Variants in GABRD observed in about 807,000 individuals in gnomAD.
GABRD encodes the protein gamma-aminobutyric acid type A receptor subunit delta.
Under a neutral mutation model 47.3 loss-of-function variants are expected in GABRD, and 25 were observed. That is an observed-to-expected ratio of 0.53 (90% CI 0.39 to 0.74). GABRD has a LOEUF of 0.74. Ranked by LOEUF, GABRD falls within the 30% of genes least tolerant of loss-of-function variation. GABRD has a pLI of 0.00. For missense variants in GABRD, 497 were observed against 643.4 expected, an observed-to-expected ratio of 0.77 and a Z score of 2.46; for synonymous variants, 314 against 278.8, an observed-to-expected ratio of 1.13 and a Z score of -1.26.
intron 3 of GABRD, 55 bp from the exon 4 acceptor site, chr1:2,025,463 C>G: frequency 2.5e-6 from 4 of 1,610,062 alleles, no homozygotes; most frequent in Non-Finnish European, 3.4e-6. Context: ...CCCTGGGCTG[C>G]ATGCCCCTGG....
chr1:2,019,440 G>A lies in GABRD; in HGVS notation c.17G>A (p.Arg6Gln), dbSNP rs1658714355. The change falls in exon 1 of 9, where the codon CGG (arginine) becomes CAG (glutamine). Residue 6 changes from arginine to glutamine, a missense_variant. Arg to Gln is a conservative substitution (Grantham distance 43). Around this residue, in one of 3 missense-constraint regions of GABRD, gnomAD observed 91 missense variants for 85.5 expected, o/e 1.06. Transcript: ENST00000378585. ...GCCGCGGCCATGGACGCGCCCGCCCGGCTGCTGGCCCCGCTCCTGCTCCTC... is the reference window on the plus strand; with the variant it reads ...GCCGCGGCCATGGACGCGCCCGCCCAGCTGCTGGCCCCGCTCCTGCTCCTC... The part of the protein sequence containing the change: MDAPA[R>Q]LLAPLLLLCA... The A allele has an allele frequency of 1.8e-6, 2 of 1,107,146 alleles. No individual in the cohort carries two copies. The highest frequency in any genetic ancestry group is 5.7e-5 in the East Asian group (1 of 17,630). The allele number at this position is 1,107,146 out of a possible 1,614,324, so 68.6% of individuals were successfully genotyped here.
In GABRD at chr1:2,019,425, TG is replaced by T; in HGVS notation, c.4del (p.Asp2?). 9.3e-7 allele frequency: 1 copy of T among 1,070,884 alleles called. No individual in the cohort carries two copies. Among genetic ancestry groups the T allele is most frequent in the Non-Finnish European group, 1.1e-6 (1 of 888,114 alleles). The allele number at this position is 1,070,884 out of a possible 1,614,324, so 66.3% of individuals were successfully genotyped here. Reference sequence around the variant, plus strand: ...CCCCGTCCCGAGCCCGCCGCGGCCATGGACGCGCCCGCCCGGCTGCTGGCCC... The same window carrying T: ...CCCCGTCCCGAGCCCGCCGCGGCCATGACGCGCCCGCCCGGCTGCTGGCCC... [M>X]DAPARLLAPL... is the part of the protein sequence containing the mutation. On this transcript the variant is annotated frameshift_variant and start_lost, in exon 1 of 9. Transcript: ENST00000378585. LOFTEE classifies it high-confidence loss of function.
At chr1:2,025,195 C>T (rs566831821) in intron 2 of GABRD, 139 bp from the exon 3 acceptor site, 3 of 1,288,456 alleles carry the variant, frequency 2.3e-6, no homozygotes, top group East Asian at 2.3e-5. Flanking sequence ...GAGCCAGGCC[C>T]CCACAGAGAC....
At chr1:2,025,845 G>T in intron 4 of GABRD, 107 bp downstream of exon 4, 1 of 996,894 alleles carries the variant, frequency 1.0e-6, no homozygotes, top group Non-Finnish European at 1.5e-6. Flanking sequence ...CTGCTGCCGG[G>T]AGCTGGCGGG....
At chr1:2,025,235 G>A (rs562416120) in intron 2 of GABRD, 99 bp from the exon 3 acceptor site, 4 of 1,455,076 alleles carry the variant, frequency 2.7e-6, no homozygotes, top group Non-Finnish European at 3.8e-6. Flanking sequence ...CTCAGGCCAT[G>A]ATGGCCGACT....
Position 2,028,424 on chromosome 1 carries a change from G to T in GABRD, c.691+132G>T, listed in dbSNP as rs916499170. ...TGGTTTTCATGCTTTTTAGTCAAGC[G>T]CCCGCAGGCCCCCAGGGCCTCTGGG... is the stretch of plus-strand genomic sequence containing the variant. On this transcript the variant is annotated intron_variant, in intron 6 of 8. Coordinates refer to ENST00000378585, the MANE Select transcript of GABRD (RefSeq NM_000815.5). This position sits in a 1 kb window ranked among gnomAD's most constrained non-coding sequence, Gnocchi z 6.4. 3.2e-6 allele frequency: 3 copies of T among 923,680 alleles called. No homozygotes were observed. Among genetic ancestry groups the T allele is most frequent in the South Asian group, 5.4e-5 (2 of 37,068 alleles). The allele number at this position is 923,680 out of a possible 1,614,324, so 57.2% of individuals were successfully genotyped here. A position where few individuals can be genotyped will look rare whatever the true frequency, so the allele number is the denominator to read the frequency against.
At position 2,019,439 on chromosome 1, in the gene GABRD, C is replaced by A; in HGVS notation, c.16C>A (p.Arg6=). The change falls in exon 1 of 9, where the codon CGG becomes AGG. Residue 6 remains arginine, a synonymous_variant. Transcript: ENST00000378585. ...CGCCGCGGCCATGGACGCGCCCGCC[C>A]GGCTGCTGGCCCCGCTCCTGCTCCT... MDAPA[R]LLAPLLLLCA... is the part of the protein sequence containing the mutation. The A allele has an allele frequency of 9.2e-7, 1 of 1,087,490 alleles. No homozygotes were observed. Among genetic ancestry groups the A allele is most frequent in the Non-Finnish European group, 1.1e-6 (1 of 898,044 alleles). The allele number at this position is 1,087,490 out of a possible 1,614,324, so 67.4% of individuals were successfully genotyped here.
In GABRD at chr1:2,028,854, A is replaced by G. The variant is rs548398802; in HGVS notation, c.692-257A>G. On this transcript the variant is annotated intron_variant, in intron 6 of 8. Coordinates refer to ENST00000378585, the MANE Select transcript of GABRD (RefSeq NM_000815.5). This position sits in a 1 kb window ranked among gnomAD's most constrained non-coding sequence, Gnocchi z 6.4. ...GTCCCTCAGGGCCAGTCCAGCAAAC[A>G]TGAGGCCAGCAGTAACCTCAGCCTC... The G allele has an allele frequency of 1.2e-3, 665 of 556,260 alleles. 1 individual carries two copies. Among genetic ancestry groups the G allele is most frequent in the Non-Finnish European group, 1.7e-3 (524 of 315,722 alleles). The allele number at this position is 556,260 out of a possible 1,614,324, so 34.5% of individuals were successfully genotyped here.
chr1:2,023,482 G>T, intron 1 of GABRD: 1 of 152,692 alleles, frequency 6.5e-6, no homozygotes, highest in Non-Finnish European at 1.5e-5. Flanking sequence ...AGTCAGTTGC[G>T]TCCTGGGGAG....
chr1:2,027,127 C>T, intron 4 of GABRD: 1 of 300,840 alleles, frequency 3.3e-6, no homozygotes, highest in Non-Finnish European at 6.4e-6. Flanking sequence ...TGCACCACTG[C>T]ACTCCAGCTT....
rs1183611566 is a variant in GABRD at position 2,029,282 on chromosome 1, G to A, written c.847+16G>A. On this transcript the variant is annotated intron_variant, in intron 7 of 8. Transcript: ENST00000378585. ...GTGTCTCTAGGTACGGGGCCTCGCC[G>A]CTGCTCCGAGGGAGCTGGAAGGGCG... 5.2e-6 allele frequency: 8 copies of A among 1,546,902 alleles called. No individual in the cohort carries two copies. In the African/African-American group the frequency reaches 6.8e-5, roughly 13 times the overall value.
At chr1:2,021,144 C>A (rs1291345294) in intron 1 of GABRD, among the ~76,000 whole-genome samples, 1 of 152,230 alleles carries the variant, frequency 6.6e-6, no homozygotes, top group Non-Finnish European at 1.5e-5. Flanking sequence ...GGGGAGGACA[C>A]CTTGCCTGGT....
Position 2,030,125 on chromosome 1 carries a change from CGAA to C in GABRD, c.1207_1209del (p.Lys403del), listed in dbSNP as rs1557449196. ...TCGGTGGGGGTGGAGACAGGGGAGACGAAGAAGGAGGGGGCAGCCCGCTCAGGA... is the reference window on the plus strand; with the variant it reads ...TCGGTGGGGGTGGAGACAGGGGAGACGAAGGAGGGGGCAGCCCGCTCAGGA... On this transcript the variant is annotated inframe_deletion, in exon 9 of 9. Coordinates refer to ENST00000378585, the MANE Select transcript of GABRD (RefSeq NM_000815.5). The C allele has an allele frequency of 3.2e-6, 5 of 1,580,476 alleles. No individual in the cohort carries two copies. The highest frequency in any genetic ancestry group is 1.8e-5 in the Admixed American group (1 of 55,666).
chr1:2,022,090 C>T (rs1346261083), intron 1 of GABRD, among the ~76,000 whole-genome samples: 1 of 152,174 alleles, frequency 6.6e-6, no homozygotes, highest in Non-Finnish European at 1.5e-5. Flanking sequence ...CCTCTCTGTC[C>T]ATCCACCCAC....
rs1658714306 is a variant in GABRD, at chr1:2,019,439, C to T, written c.16C>T (p.Arg6Trp). 5.5e-6 allele frequency: 6 copies of T among 1,087,490 alleles called. No homozygotes were observed. Among genetic ancestry groups the T allele is most frequent in the East Asian group, 6.4e-5 (1 of 15,618 alleles). 67.4% of individuals were successfully genotyped at this position (1,087,490 alleles called of 1,614,324 possible). A position where few individuals can be genotyped will look rare whatever the true frequency, so the allele number is the denominator to read the frequency against. ...CGCCGCGGCCATGGACGCGCCCGCC[C>T]GGCTGCTGGCCCCGCTCCTGCTCCT... MDAPA[R>W]LLAPLLLLCA... is the part of the protein sequence containing the mutation. Residue 6 changes from arginine to tryptophan, a missense_variant, in exon 1 of 9, where the codon CGG becomes TGG. Physicochemically the swap from Arg to Trp is moderately radical, Grantham distance 101. This residue lies in a region of GABRD where 91 missense variants were observed against 85.5 expected (regional missense o/e 1.06). Transcript: ENST00000378585.
chr1:2,027,621 C>G lies in GABRD; in HGVS notation c.515C>G (p.Pro172Arg). The change falls in exon 5 of 9, where the codon CCC becomes CGC. Residue 172 changes from proline (P) to arginine (R), a missense_variant. Coordinates refer to ENST00000378585, the MANE Select transcript of GABRD (RefSeq NM_000815.5). ...VACDMDLAKY[P>R]MDEQECMLDL... ...TGCGACATGGACCTGGCCAAATACC[C>G]CATGGACGAGCAGGAGTGCATGCTG... is the stretch of plus-strand genomic sequence containing the variant. 1.2e-6 allele frequency: 2 copies of G among 1,613,902 alleles called. No individual in the cohort carries two copies. Among genetic ancestry groups the G allele is most frequent in the Non-Finnish European group, 1.7e-6 (2 of 1,179,978 alleles).
Position 2,025,867 on chromosome 1 carries a change from G to T in GABRD, c.470+129G>T, listed in dbSNP as rs531305926. The T allele has an allele frequency of 9.7e-5, 71 of 729,454 alleles. 1 individual carries two copies. Among genetic ancestry groups the T allele is most frequent in the Admixed American group, 3.4e-4 (13 of 38,512 alleles). The allele number at this position is 729,454 out of a possible 1,614,324, so 45.2% of individuals were successfully genotyped here. On this transcript the variant is annotated intron_variant, in intron 4 of 8. Coordinates refer to ENST00000378585, the MANE Select transcript of GABRD (RefSeq NM_000815.5). Reference sequence around the variant, plus strand: ...CGGGAGCTGGCGGGCGGGCGGAGGGGGGGGCAGAAGCTGCGCGGTTATTTA... The same window carrying T: ...CGGGAGCTGGCGGGCGGGCGGAGGGTGGGGCAGAAGCTGCGCGGTTATTTA...
chr1:2,024,786 G>A (rs929874746), intron 1 of GABRD, 156 bp from the exon 2 acceptor site: 11 of 596,714 alleles, frequency 1.8e-5, no homozygotes, highest in Non-Finnish European at 3.3e-5. Context: ...AGAGGCTTGG[G>A]GACTGGCCAG....
In GABRD at chr1:2,025,067, C is replaced by A. The variant is rs1658881661; in HGVS notation, c.181+13C>A. 1.9e-6 allele frequency: 3 copies of A among 1,600,462 alleles called. No homozygotes were observed. Among genetic ancestry groups the A allele is most frequent in the South Asian group, 1.1e-5 (1 of 90,430 alleles). On this transcript the variant is annotated intron_variant, in intron 2 of 8. Coordinates refer to ENST00000378585, the MANE Select transcript of GABRD (RefSeq NM_000815.5). Reference sequence around the variant, plus strand: ...CCTGGCATCGGAGGTGAGGGGCGGTCCAGGCCCGGCAGGCAGGAGCCGCTG... The same window carrying A: ...CCTGGCATCGGAGGTGAGGGGCGGTACAGGCCCGGCAGGCAGGAGCCGCTG...
Sources: gnomAD v4.1 joint callset for allele counts (sites outside exome capture counted in the v4.1 genomes callset) on GRCh38, gnomAD v4.1.1 for gene constraint, gnomAD v4.1.1 regional missense constraint, Gnocchi (gnomAD v3.1) non-coding constraint, MANE v1.5 for transcripts, NCBI Gene and HGNC (gene_info 2026-07-23, HGNC 2026-07-21) for gene names.